The following SLC14A2 variants were observed in gnomAD, a reference collection of about 807,000 sequenced individuals.
SLC14A2 encodes urea transporter 2.
A neutral mutation model predicts 104.6 loss-of-function variants in SLC14A2; 91 were observed. The ratio of observed to expected loss-of-function variants is 0.87; its 90% CI spans 0.73 to 1.04. The LOEUF is 1.04. Ranked by LOEUF, SLC14A2 falls within the 50% of genes least tolerant of loss-of-function variation. The probability of loss-of-function intolerance (pLI) is 0.00; values close to 1 mark genes in which losing one functional copy is unlikely to be tolerated. For synonymous variants in SLC14A2, 476 were observed against 466.4 expected, an observed-to-expected ratio of 1.02 and a Z score of -0.27; for missense variants, 1,189 against 1,156.0, an observed-to-expected ratio of 1.03 and a Z score of -0.41.
At chr18:45,481,864 A>G (rs951320243) in intron 1 of SLC14A2, among the ~76,000 whole-genome samples, 1 of 152,214 alleles carries the variant, frequency 6.6e-6, no homozygotes, top group Admixed American at 6.5e-5. Context: ...TTTCAAAACA[A>G]TGGTACTTTG....
At chr18:45,376,494 G>A (rs1458320845) in intron 1 of SLC14A2, among the ~76,000 whole-genome samples, 1 of 152,268 alleles carries the variant, frequency 6.6e-6, no homozygotes, top group South Asian at 2.1e-4. Flanking sequence ...AAGGGTTACT[G>A]AGAATTAAGG....
intron 1 of SLC14A2, among the ~76,000 whole-genome samples, chr18:45,444,610 A>G (rs1262985275): frequency 1.3e-5 from 2 of 152,244 alleles, no homozygotes; most frequent in African/African-American, 4.8e-5. Flanking sequence ...GAAGTGTGGA[A>G]AGGCACTATC....
At chr18:45,605,453 C>T (rs529178114) in intron 2 of SLC14A2, among the ~76,000 whole-genome samples, 2 of 152,098 alleles carry the variant, frequency 1.3e-5, no homozygotes, top group African/African-American at 2.4e-5. Context: ...CTTTTGACCT[C>T]CCGGGGGCAC....
chr18:45,407,561 T>C (rs1379552955), intron 1 of SLC14A2, among the ~76,000 whole-genome samples: 1 of 152,256 alleles, frequency 6.6e-6, no homozygotes, highest in African/African-American at 2.4e-5. Flanking sequence ...CTTGGCTAAC[T>C]GGCTCAAGAA....
At chr18:45,208,634 CA>C (rs1361664249), upstream of SLC14A2, among the ~76,000 whole-genome samples, 5 of 152,130 alleles carry the variant, frequency 3.3e-5, no homozygotes, top group Non-Finnish European at 1.5e-5. Flanking sequence ...GCCCGCCTTA[CA>C]GAGCAGTGGA....
At chr18:45,384,594 C>T (rs1457067485) in intron 1 of SLC14A2, among the ~76,000 whole-genome samples, 1 of 152,152 alleles carries the variant, frequency 6.6e-6, no homozygotes, top group African/African-American at 2.4e-5. Flanking sequence ...GGCACTGCTG[C>T]CCTCTGCTGG....
At chr18:45,373,303 C>G (rs1358108575) in intron 1 of SLC14A2, among the ~76,000 whole-genome samples, 5 of 152,182 alleles carry the variant, frequency 3.3e-5, no homozygotes, top group Non-Finnish European at 5.9e-5. Context: ...GCTCCAGGCT[C>G]TCTCTCTAGC....
the SLC14A2 span, among the ~76,000 whole-genome samples, chr18:45,185,033 A>G: frequency 6.6e-6 from 1 of 152,182 alleles, no homozygotes; most frequent in East Asian, 1.9e-4. Flanking sequence ...ATTGATGGGA[A>G]GTAGGAGTGA....
chr18:45,325,559 C>A lies in SLC14A2; in HGVS notation c.-125+112368C>A, dbSNP rs1340302504. 2.0e-5 allele frequency among the ~76,000 whole-genome samples: 3 copies of A among 152,104 alleles called. No individual in the cohort carries two copies. The East Asian group carries it at 5.8e-4, about 29-fold the overall frequency. On this transcript the variant is annotated intron_variant, in intron 1 of 20. Transcript: ENST00000586448. ...AGGGTTTGGTTAATATTTGATGAAC[C>A]ACTTGGATAATGCACAGAATTATGG... is the stretch of plus-strand genomic sequence containing the variant.
At chr18:45,527,301 A>G (rs1355489317) in intron 2 of SLC14A2, among the ~76,000 whole-genome samples, 1 of 152,216 alleles carries the variant, frequency 6.6e-6, no homozygotes, top group East Asian at 1.9e-4. Context: ...TGACGCTAAC[A>G]AATCCAAGAC....
chr18:45,360,280 G>T (rs1236972550), intron 1 of SLC14A2, among the ~76,000 whole-genome samples: 1 of 152,208 alleles, frequency 6.6e-6, no homozygotes, highest in Non-Finnish European at 1.5e-5. Context: ...GCTTCAGTGG[G>T]CAATGATGAT....
chr18:45,505,039 TAGAA>T (rs1184560886), intron 2 of SLC14A2, among the ~76,000 whole-genome samples: 1 of 152,116 alleles, frequency 6.6e-6, no homozygotes, highest in Non-Finnish European at 1.5e-5. Flanking sequence ...CCAATGGGGC[TAGAA>T]AGAAAGAGAG....
At chr18:45,285,712 A>C (rs2084808207) in intron 1 of SLC14A2, among the ~76,000 whole-genome samples, 1 of 133,766 alleles carries the variant, frequency 7.5e-6, no homozygotes, top group East Asian at 2.4e-4. Context: ...GACGTGAGCC[A>C]CTGCGCCCAG....
At chr18:45,511,890 TTAGGAGA>T (rs538835550) in intron 2 of SLC14A2, among the ~76,000 whole-genome samples, 72 of 152,148 alleles carry the variant, frequency 4.7e-4, no homozygotes, top group African/African-American at 1.6e-3. Flanking sequence ...GGAGTTCACT[TTAGGAGA>T]TAAAGCACTA....
At chr18:45,475,667 A>T (rs1296139088) in intron 1 of SLC14A2, among the ~76,000 whole-genome samples, 2 of 96,106 alleles carry the variant, frequency 2.1e-5, no homozygotes, top group Non-Finnish European at 4.4e-5. Context: ...ATATATATAT[A>T]TATATATATA....
At chr18:45,370,667 G>C (rs1453263046) in intron 1 of SLC14A2, among the ~76,000 whole-genome samples, 4 of 151,976 alleles carry the variant, frequency 2.6e-5, no homozygotes, top group African/African-American at 9.7e-5. Flanking sequence ...CACTTCACGC[G>C]GGACCCATCA....
intron 10 of SLC14A2, among the ~76,000 whole-genome samples, chr18:45,657,555 AGAAAGAAAG>A (rs372685141): frequency 3.3e-3 from 503 of 151,646 alleles, no homozygotes; most frequent in Non-Finnish European, 5.6e-3. Flanking sequence ...AAAGAGAGAG[AGAAAGAAAG>A]GAAAGAAAAG....
At chr18:45,450,090 T>C (rs1475266930) in intron 1 of SLC14A2, among the ~76,000 whole-genome samples, 1 of 152,218 alleles carries the variant, frequency 6.6e-6, no homozygotes, top group Non-Finnish European at 1.5e-5. Context: ...CCCAGCCTTT[T>C]TTAAAAAGTG....
At chr18:45,520,455 C>T (rs72915334) in intron 2 of SLC14A2, among the ~76,000 whole-genome samples, 13,231 of 152,162 alleles carry the variant, frequency 0.087, 704 homozygotes, top group Non-Finnish European at 0.12. Flanking sequence ...ACCCAGTGCC[C>T]GCAACTGGGC....
Sources: gnomAD v4.1 joint callset for allele counts (sites outside exome capture counted in the v4.1 genomes callset) on GRCh38, gnomAD v4.1.1 for gene constraint, MANE v1.5 for transcripts, NCBI Gene and HGNC (gene_info 2026-07-23, HGNC 2026-07-21) for gene names.